The following PTDSS1 variants were observed in gnomAD, a reference collection of about 807,000 sequenced individuals.
PTDSS1 encodes the protein phosphatidylserine synthase 1, also known as PSS-1.
Under a neutral mutation model 70.5 loss-of-function variants are expected in PTDSS1, and 45 were observed. The observed-to-expected ratio is 0.64, with a 90% CI of 0.50 to 0.82. The LOEUF (loss-of-function observed/expected upper bound fraction) is 0.82, where lower values mean the gene tolerates loss of function less well. Among genes scored for constraint, PTDSS1 ranks in the 40% least tolerant of loss-of-function variants. The probability of loss-of-function intolerance (pLI) is 0.00; values close to 1 mark genes in which losing one functional copy is unlikely to be tolerated. For synonymous variants in PTDSS1, 188 were observed against 203.8 expected, an observed-to-expected ratio of 0.92 and a Z score of 0.66; for missense variants, 417 against 586.1, an observed-to-expected ratio of 0.71 and a Z score of 2.98.
intron 10 of PTDSS1, among the ~76,000 whole-genome samples, chr8:96,326,743 A>G (rs1811443918): frequency 6.6e-6 from 1 of 152,202 alleles, no homozygotes; most frequent in Non-Finnish European, 1.5e-5. Context: ...TCTGTGTCTC[A>G]TGGGGAAACA....
chr8:96,314,799 T>G (rs1218636055), intron 9 of PTDSS1, among the ~76,000 whole-genome samples: 2 of 152,144 alleles, frequency 1.3e-5, no homozygotes, highest in Non-Finnish European at 2.9e-5. Flanking sequence ...GGTTTCACCA[T>G]GTTAGCCAGG....
At chr8:96,331,166 G>T (rs1811511087) in intron 12 of PTDSS1, 71 bp downstream of exon 12, 5 of 1,405,582 alleles carry the variant, frequency 3.6e-6, no homozygotes. Flanking sequence ...CCTATTCTTT[G>T]AGTGGAGATG....
At position 96,287,776 on chromosome 8, in the gene PTDSS1, A is replaced by G. The variant is rs555202693; in HGVS notation, c.441+630A>G. On this transcript the variant is annotated intron_variant, in intron 4 of 12. Coordinates refer to ENST00000517309, the MANE Select transcript of PTDSS1 (RefSeq NM_014754.3). ...ATACAAAAAAATTTTATTCTTGGCT[A>G]AAACGACTCTATTTTGGCTTTTACT... Among the ~76,000 whole-genome samples, 25 of 152,358 alleles carry G rather than the reference A, an allele frequency of 1.6e-4. No homozygotes were observed. In the South Asian group the frequency reaches 5.0e-3, roughly 30 times the overall value.
chr8:96,297,419 C>A (rs1810990971), intron 5 of PTDSS1, among the ~76,000 whole-genome samples: 1 of 152,130 alleles, frequency 6.6e-6, no homozygotes, highest in South Asian at 2.1e-4. Context: ...CTCAGGTGAT[C>A]CACCTGCCTC....
At chr8:96,289,051 C>G (rs1483304002) in intron 4 of PTDSS1, among the ~76,000 whole-genome samples, 1 of 152,090 alleles carries the variant, frequency 6.6e-6, no homozygotes, top group Non-Finnish European at 1.5e-5. Context: ...TCTCCTGCCT[C>G]AGCCTCCCAA....
At chr8:96,303,222 C>T (rs1057198238) in intron 6 of PTDSS1, among the ~76,000 whole-genome samples, 2 of 152,168 alleles carry the variant, frequency 1.3e-5, no homozygotes, top group African/African-American at 4.8e-5. Flanking sequence ...TGGATAGTCT[C>T]TATTTTTTGC....
At chr8:96,289,982 A>G (rs1029226444) in intron 4 of PTDSS1, among the ~76,000 whole-genome samples, 1 of 152,186 alleles carries the variant, frequency 6.6e-6, no homozygotes, top group Non-Finnish European at 1.5e-5. Context: ...AAGGGCAGTT[A>G]TTTATTATGA....
At chr8:96,286,106 C>T (rs1426183822) in intron 3 of PTDSS1, among the ~76,000 whole-genome samples, 5 of 152,132 alleles carry the variant, frequency 3.3e-5, no homozygotes, top group Non-Finnish European at 4.4e-5. Context: ...CAGCCACGGA[C>T]GTGCTCTCCT....
intron 5 of PTDSS1, 133 bp from the exon 6 acceptor site, chr8:96,299,561 T>A: frequency 2.0e-6 from 2 of 996,844 alleles, no homozygotes; most frequent in Non-Finnish European, 2.9e-6. Flanking sequence ...TTGGTTATTT[T>A]CTGTACATTA....
At chr8:96,295,908 A>G (rs1400360933) in intron 5 of PTDSS1, among the ~76,000 whole-genome samples, 1 of 152,070 alleles carries the variant, frequency 6.6e-6, no homozygotes, top group African/African-American at 2.4e-5. Context: ...TGCCAACTAG[A>G]TGTGGCTTCT....
At chr8:96,291,414 C>G (rs1306796355) in intron 4 of PTDSS1, among the ~76,000 whole-genome samples, 1 of 151,552 alleles carries the variant, frequency 6.6e-6, no homozygotes, top group Non-Finnish European at 1.5e-5. Context: ...TATTTTGAAA[C>G]AGTTCTCAGG....
chr8:96,315,451 A>T (rs16894459), intron 9 of PTDSS1, among the ~76,000 whole-genome samples: 23,471 of 152,106 alleles, frequency 0.15, 1,834 homozygotes, highest in Middle Eastern at 0.22. Context: ...CTGCTTCTCA[A>T]GTTTGGCTCA....
chr8:96,262,067 C>T lies in PTDSS1; in HGVS notation c.27C>T (p.Thr9=), dbSNP rs1810411441. 6.2e-7 allele frequency: 1 copy of T among 1,613,564 alleles called. No individual in the cohort carries two copies. The change falls in exon 1 of 13, where the codon ACC becomes ACT. Residue 9 remains threonine (T), a synonymous_variant. Transcript: ENST00000517309. The surrounding 1 kb of genome is among the most constrained non-coding windows in gnomAD (Gnocchi z 4.4). MASCVGSR[T]LSKDDVNYKM... ...TGGCGTCCTGCGTGGGGAGCCGGAC[C>T]CTAAGCAAGGATGATGTGAACTACA...
chr8:96,333,358 G>T, intron 12 of PTDSS1, 99 bp from the exon 13 acceptor site: 1 of 1,018,846 alleles, frequency 9.8e-7, no homozygotes, highest in Non-Finnish European at 1.5e-6. Context: ...ACGTATCAGG[G>T]AAGAACCTGT....
Position 96,335,792 on chromosome 8 carries a change from GCCTACTTTTT to G in PTDSS1, c.*2227_*2236del, listed in dbSNP as rs1169075368. On this transcript the variant is annotated 3_prime_UTR_variant, in exon 13 of 13. Transcript: ENST00000517309. ...TTTAGAAGCCATACTGCTGGGTTTGGCCTACTTTTTTCACCGTTTCTATGGAAATAAACCT... is the reference window on the plus strand; with the variant it reads ...TTTAGAAGCCATACTGCTGGGTTTGGTCACCGTTTCTATGGAAATAAACCT... 1 of 152,148 alleles carries G rather than the reference GCCTACTTTTT, an allele frequency of 6.6e-6. No homozygotes were observed. Among genetic ancestry groups the G allele is most frequent in the Non-Finnish European group, 1.5e-5 (1 of 68,030 alleles). 9.4% of individuals were successfully genotyped at this position (152,148 alleles called of 1,614,324 possible).
chr8:96,322,507 A>G (rs1318662809), intron 10 of PTDSS1, among the ~76,000 whole-genome samples: 1 of 152,046 alleles, frequency 6.6e-6, no homozygotes, highest in African/African-American at 2.4e-5. Flanking sequence ...CGCTCCTGTG[A>G]TAACAATCCC....
chr8:96,289,777 G>A (rs544962929), intron 4 of PTDSS1, among the ~76,000 whole-genome samples: 92 of 152,248 alleles, frequency 6.0e-4, no homozygotes, highest in African/African-American at 2.1e-3. Context: ...CCTTCTTAGA[G>A]TGGTATTTAA....
chr8:96,331,483 C>T lies in PTDSS1; in HGVS notation c.1312+388C>T, dbSNP rs561036554. ...GGCGGAGGTTGCCATGAGCCAAGAT[C>T]GTACCACTGCACTCCAGCCTGGGCA... On this transcript the variant is annotated intron_variant, in intron 12 of 12. Coordinates refer to ENST00000517309, the MANE Select transcript of PTDSS1 (RefSeq NM_014754.3). 3.5e-4 allele frequency among the ~76,000 whole-genome samples: 53 copies of T among 151,774 alleles called. No homozygotes were observed. The South Asian group carries it at 0.011, about 30-fold the overall frequency.
In PTDSS1 at chr8:96,333,741, T is replaced by C. The variant is rs773759565; in HGVS notation, c.*175T>C. 2.3e-5 allele frequency: 17 copies of C among 734,344 alleles called. No individual in the cohort carries two copies. The African/African-American group carries it at 2.6e-4, about 11-fold the overall frequency. 45.5% of individuals were successfully genotyped at this position (734,344 alleles called of 1,614,324 possible). On this transcript the variant is annotated 3_prime_UTR_variant, in exon 13 of 13. Coordinates refer to ENST00000517309, the MANE Select transcript of PTDSS1 (RefSeq NM_014754.3). ...CTTGTTTCCCACAGACCTGGCCGCG[T>C]CAGGCAGATCATCGCCTGGGGGGCC...
Sources: allele counts gnomAD v4.1 joint callset (sites outside exome capture counted in the v4.1 genomes callset), GRCh38; gene constraint gnomAD v4.1.1; non-coding constraint Gnocchi (gnomAD v3.1); transcripts MANE v1.5; gene names NCBI Gene and HGNC (gene_info 2026-07-23, HGNC 2026-07-21).